CTNNA3: variants seen among roughly 807,000 people sequenced by gnomAD.
The protein encoded by CTNNA3 is catenin alpha-3.
CTNNA3 carries 76 observed loss-of-function variants against 95.7 expected under a neutral mutation model. That is an observed-to-expected ratio of 0.79 (90% CI 0.66 to 0.96). CTNNA3 has a LOEUF of 0.96. Among genes scored for constraint, CTNNA3 ranks in the 40% least tolerant of loss-of-function variants. The pLI, the probability that CTNNA3 is intolerant of heterozygous loss-of-function variation, is 0.00. For missense variants in CTNNA3, 1,191 were observed against 1,089.8 expected (o/e 1.09, Z -1.31); for synonymous variants, 431 against 374.4 (o/e 1.15, Z -1.74).
At chr10:66,071,596 C>T (rs1054005720) in intron 14 of CTNNA3, among the ~76,000 whole-genome samples, 1 of 152,062 alleles carries the variant, frequency 6.6e-6, no homozygotes, top group Non-Finnish European at 1.5e-5. Flanking sequence ...CCACAATATA[C>T]CAATATATAC....
At chr10:67,579,274 A>G (rs927431150) in intron 3 of CTNNA3, among the ~76,000 whole-genome samples, 58 of 133,770 alleles carry the variant, frequency 4.3e-4, no homozygotes, top group African/African-American at 1.5e-3. Context: ...TCGTTGTTCA[A>G]TTCCCACCTA....
intron 13 of CTNNA3, among the ~76,000 whole-genome samples, chr10:66,215,570 T>C (rs1461001197): frequency 6.6e-6 from 1 of 152,112 alleles, no homozygotes; most frequent in Non-Finnish European, 1.5e-5. Flanking sequence ...AGGAGTGTCA[T>C]TACTCAAAAT....
At chr10:66,622,337 A>T (rs1272731298) in intron 9 of CTNNA3, among the ~76,000 whole-genome samples, 1 of 152,174 alleles carries the variant, frequency 6.6e-6, no homozygotes, top group African/African-American at 2.4e-5. Context: ...ACTGTTTGAC[A>T]TTCCTGCAGT....
At chr10:65,994,671 C>A (rs1177478130) in intron 15 of CTNNA3, among the ~76,000 whole-genome samples, 2 of 152,066 alleles carry the variant, frequency 1.3e-5, no homozygotes, top group Admixed American at 6.5e-5. Context: ...GCTCTTTAAG[C>A]TTTCTGAATC....
At position 67,419,235 on chromosome 10, in the gene CTNNA3, CA is replaced by C. The variant is rs560275388; in HGVS notation, c.579+102606del. On this transcript the variant is annotated intron_variant, in intron 5 of 17. Transcript: ENST00000433211. ...AAAACAAAAAATGGAACAATGAAGA[CA>C]TTTAATAAAATAAATCTTAAACAAA... Among the ~76,000 whole-genome samples, 3 of 152,210 alleles carry C rather than the reference CA, an allele frequency of 2.0e-5. No homozygotes were observed. The South Asian group carries it at 6.2e-4, about 32-fold the overall frequency.
intron 5 of CTNNA3, among the ~76,000 whole-genome samples, chr10:67,270,723 TA>T (rs1838935093): frequency 6.6e-6 from 1 of 152,208 alleles, no homozygotes; most frequent in Non-Finnish European, 1.5e-5. Context: ...TTGCAACTTC[TA>T]TTAAAGTCAA....
intron 5 of CTNNA3, among the ~76,000 whole-genome samples, chr10:67,482,553 C>T (rs1054376555): frequency 3.3e-5 from 5 of 152,036 alleles, no homozygotes; most frequent in African/African-American, 1.2e-4. Context: ...CTCTGTTTGT[C>T]TGTTATTGGT....
At chr10:66,293,567 G>C (rs1334554020) in intron 12 of CTNNA3, among the ~76,000 whole-genome samples, 1 of 151,964 alleles carries the variant, frequency 6.6e-6, no homozygotes, top group Non-Finnish European at 1.5e-5. Flanking sequence ...CTAGTAGTGA[G>C]AAAGTAAATC....
In CTNNA3 at chr10:65,919,656, T is replaced by A. The variant is rs2077052479; in HGVS notation, c.*674A>T. ...GAGTATGTGGCATCAGAACTCATTG[T>A]AACCTTTATAATGTTAAGAAAGCAT... On this transcript the variant is annotated 3_prime_UTR_variant, in exon 18 of 18. Coordinates refer to ENST00000433211, the MANE Select transcript of CTNNA3 (RefSeq NM_013266.4). 6.6e-6 allele frequency: 1 copy of A among 152,298 alleles called. No homozygotes were observed. Among genetic ancestry groups the A allele is most frequent in the Admixed American group, 6.5e-5 (1 of 15,296 alleles). 9.4% of individuals were successfully genotyped at this position (152,298 alleles called of 1,614,324 possible). A position where few individuals can be genotyped will look rare whatever the true frequency, so the allele number is the denominator to read the frequency against.
chr10:66,532,767 T>A (rs1841515308), intron 10 of CTNNA3, among the ~76,000 whole-genome samples: 1 of 152,292 alleles, frequency 6.6e-6, no homozygotes, highest in Middle Eastern at 3.4e-3. Flanking sequence ...AGCAATGTTT[T>A]CCCTGAGTTG....
chr10:65,953,372 T>C (rs1325175067), intron 17 of CTNNA3, among the ~76,000 whole-genome samples: 2 of 150,866 alleles, frequency 1.3e-5, no homozygotes, highest in Non-Finnish European at 1.5e-5. Flanking sequence ...TATACTCACC[T>C]CTTTTTTTTT....
At chr10:67,572,753 A>G (rs1182235138) in intron 3 of CTNNA3, among the ~76,000 whole-genome samples, 1 of 152,110 alleles carries the variant, frequency 6.6e-6, no homozygotes, top group Non-Finnish European at 1.5e-5. Flanking sequence ...ATTTCTCTTG[A>G]GAAAGACTTC....
intron 13 of CTNNA3, among the ~76,000 whole-genome samples, chr10:66,105,615 T>G (rs1008086369): frequency 4.6e-5 from 7 of 152,220 alleles, no homozygotes; most frequent in African/African-American, 1.7e-4. Flanking sequence ...CCATTTTTGT[T>G]GGGGATGCTG....
intron 4 of CTNNA3, among the ~76,000 whole-genome samples, chr10:67,537,344 T>G (rs1840518220): frequency 6.6e-6 from 1 of 152,210 alleles, no homozygotes; most frequent in Non-Finnish European, 1.5e-5. Context: ...GTGCCTCAGC[T>G]TTCTCATTTG....
intron 7 of CTNNA3, among the ~76,000 whole-genome samples, chr10:67,080,345 G>T (rs1007186070): frequency 6.6e-6 from 1 of 152,122 alleles, no homozygotes; most frequent in Non-Finnish European, 1.5e-5. Context: ...TGTTTACAAT[G>T]TAAGACAAAA....
intron 7 of CTNNA3, among the ~76,000 whole-genome samples, chr10:67,021,106 C>CA (rs1356433487): frequency 2.6e-5 from 4 of 151,936 alleles, no homozygotes. Context: ...ATTACTCTGA[C>CA]AGGAGGAGAT....
intron 9 of CTNNA3, among the ~76,000 whole-genome samples, chr10:66,676,567 A>T (rs1000463435): frequency 6.6e-6 from 1 of 152,120 alleles, no homozygotes; most frequent in African/African-American, 2.4e-5. Context: ...CAAACTTCAG[A>T]GAAACCATTT....
intron 10 of CTNNA3, among the ~76,000 whole-genome samples, chr10:66,620,041 A>C (rs991772513): frequency 5.9e-5 from 9 of 152,144 alleles, no homozygotes; most frequent in African/African-American, 2.2e-4. Flanking sequence ...ACCTCATGTT[A>C]GACATAAAAA....
chr10:67,022,252 G>A (rs1289173520), intron 7 of CTNNA3, among the ~76,000 whole-genome samples: 1 of 152,094 alleles, frequency 6.6e-6, no homozygotes, highest in Non-Finnish European at 1.5e-5. Context: ...AAGCACTCTG[G>A]AAATGAATAG....
Sources: gnomAD v4.1 joint callset for allele counts (sites outside exome capture counted in the v4.1 genomes callset) on GRCh38, gnomAD v4.1.1 for gene constraint, MANE v1.5 for transcripts, NCBI Gene and HGNC (gene_info 2026-07-23, HGNC 2026-07-21) for gene names.